Variants in USP10 observed in about 807,000 individuals in gnomAD.
The protein encoded by USP10 is ubiquitin specific peptidase 10.
USP10 carries 22 observed loss-of-function variants against 84.5 expected under a neutral mutation model. The ratio of observed to expected loss-of-function variants is 0.26; its 90% CI spans 0.19 to 0.37. The LOEUF is 0.37. Among genes scored for constraint, USP10 ranks in the 10% least tolerant of loss-of-function variants. The probability of loss-of-function intolerance (pLI) is 1.00; values close to 1 mark genes in which losing one functional copy is unlikely to be tolerated. For synonymous variants in USP10, 454 were observed against 387.6 expected (o/e 1.17, Z -2.01); for missense variants, 1,019 against 998.9 (o/e 1.02, Z -0.27).
intron 12 of USP10, 119 bp from the exon 13 acceptor site, chr16:84,775,041 T>C (rs1362659711): frequency 7.0e-6 from 6 of 853,236 alleles, no homozygotes; most frequent in Non-Finnish European, 1.2e-5. Context: ...AGAGTGTTGT[T>C]TTGTTCCTGG....
chr16:84,775,571 C>G (rs1029387016), intron 13 of USP10, among the ~76,000 whole-genome samples: 1 of 152,182 alleles, frequency 6.6e-6, no homozygotes, highest in African/African-American at 2.4e-5. Context: ...TGTGGAGTTT[C>G]CACGACACCT....
chr16:84,778,810 A>G (rs1915282802), intron 13 of USP10, 85 bp from the exon 14 acceptor site: 5 of 1,356,414 alleles, frequency 3.7e-6, no homozygotes, highest in South Asian at 1.4e-5. Context: ...CATAGGATGC[A>G]TCCCTGGAGG....
chr16:84,772,250 C>T (rs953363723), intron 11 of USP10, among the ~76,000 whole-genome samples: 4 of 152,112 alleles, frequency 2.6e-5, no homozygotes, highest in African/African-American at 9.7e-5. Flanking sequence ...GGGATTTCAC[C>T]ATGTTGGCCA....
intron 1 of USP10, among the ~76,000 whole-genome samples, chr16:84,717,442 A>T (rs1389166819): frequency 6.6e-6 from 1 of 152,126 alleles, no homozygotes; most frequent in Non-Finnish European, 1.5e-5. Flanking sequence ...CCCTGACCCC[A>T]GTTCTTTGAA....
intron 10 of USP10, among the ~76,000 whole-genome samples, chr16:84,764,921 G>A (rs1355925384): frequency 1.9e-5 from 1 of 53,290 alleles, no homozygotes; most frequent in Non-Finnish European, 3.1e-5. Flanking sequence ...CAATAACCAC[G>A]AGAGAGAGAG....
chr16:84,766,092 C>T (rs1316334409), intron 10 of USP10, among the ~76,000 whole-genome samples: 2 of 152,118 alleles, frequency 1.3e-5, no homozygotes, highest in African/African-American at 4.8e-5. Context: ...GAAAGAGCAC[C>T]CCTTTTGAGG....
intron 4 of USP10, among the ~76,000 whole-genome samples, chr16:84,748,664 A>C (rs1427587338): frequency 6.6e-6 from 1 of 152,214 alleles, no homozygotes; most frequent in Non-Finnish European, 1.5e-5. Flanking sequence ...CATCTTAGGG[A>C]GATTTTCTCT....
At chr16:84,720,796 A>T (rs899129755) in intron 1 of USP10, among the ~76,000 whole-genome samples, 1 of 148,662 alleles carries the variant, frequency 6.7e-6, no homozygotes, top group Admixed American at 6.7e-5. Flanking sequence ...ATTAGCGGGG[A>T]TGGTCTCGAT....
chr16:84,764,394 C>T, intron 10 of USP10, 131 bp downstream of exon 10: 1 of 1,250,786 alleles, frequency 8.0e-7, no homozygotes, highest in Non-Finnish European at 1.1e-6. Flanking sequence ...CCCCTGCCTG[C>T]TCTTCTCTTG....
chr16:84,767,626 G>C (rs983563532), intron 10 of USP10, among the ~76,000 whole-genome samples: 4 of 152,182 alleles, frequency 2.6e-5, no homozygotes, highest in African/African-American at 9.7e-5. Context: ...TTATGAACCG[G>C]TGCAGTAAAT....
chr16:84,728,495 A>G (rs138529272), intron 1 of USP10, among the ~76,000 whole-genome samples: 14 of 151,930 alleles, frequency 9.2e-5, no homozygotes, highest in Middle Eastern at 3.4e-3. Context: ...ATGTGCCACC[A>G]CGCCCGGCTA....
intron 2 of USP10, among the ~76,000 whole-genome samples, 176 bp downstream of exon 2, chr16:84,733,679 G>A (rs967175272): frequency 6.6e-6 from 1 of 152,074 alleles, no homozygotes; most frequent in Non-Finnish European, 1.5e-5. Context: ...TTGACATTTT[G>A]CTGTATTTAC....
chr16:84,714,884 A>G (rs1487756295), intron 1 of USP10, among the ~76,000 whole-genome samples: 1 of 151,096 alleles, frequency 6.6e-6, no homozygotes, highest in African/African-American at 2.4e-5. Flanking sequence ...TCTACATATG[A>G]AATGTTTGAA....
chr16:84,765,639 A>G (rs1913770512), intron 10 of USP10, among the ~76,000 whole-genome samples: 1 of 152,072 alleles, frequency 6.6e-6, no homozygotes, highest in Non-Finnish European at 1.5e-5. Flanking sequence ...CCTTGTCTAT[A>G]TATACACACC....
At chr16:84,773,817 G>C (rs1914697076) in intron 12 of USP10, among the ~76,000 whole-genome samples, 1 of 152,198 alleles carries the variant, frequency 6.6e-6, no homozygotes, top group African/African-American at 2.4e-5. Context: ...CTCGGCCTCT[G>C]CTCCTGCATC....
chr16:84,709,560 TCA>T lies in USP10; in HGVS notation c.21+9451_21+9452del, dbSNP rs369189256. 9.2e-5 allele frequency among the ~76,000 whole-genome samples: 14 copies of T among 152,182 alleles called. 1 individual carries two copies. The East Asian group carries it at 1.7e-3, about 19-fold the overall frequency. On this transcript the variant is annotated intron_variant, in intron 1 of 13. Coordinates refer to ENST00000219473, the MANE Select transcript of USP10 (RefSeq NM_005153.3). Reference sequence around the variant, plus strand: ...ATACTCTGCCCAGTGAAGAATAGACTCACGGGGTCGCAGTGGCCATAAGGAGA... The same window carrying T: ...ATACTCTGCCCAGTGAAGAATAGACTCGGGGTCGCAGTGGCCATAAGGAGA...
intron 3 of USP10, 51 bp from the exon 4 acceptor site, chr16:84,744,582 C>G: frequency 6.8e-7 from 1 of 1,480,044 alleles, no homozygotes; most frequent in Admixed American, 2.5e-5. Context: ...ATTACTGGTA[C>G]TTAGAGTTTG....
At chr16:84,730,543 GT>G (rs1481818328) in intron 1 of USP10, among the ~76,000 whole-genome samples, 2 of 152,146 alleles carry the variant, frequency 1.3e-5, no homozygotes, top group Non-Finnish European at 2.9e-5. Flanking sequence ...TCAGTGAACC[GT>G]TTCTGAGCGT....
At chr16:84,703,922 A>T (rs759177735) in intron 1 of USP10, among the ~76,000 whole-genome samples, 4 of 152,260 alleles carry the variant, frequency 2.6e-5, no homozygotes, top group Admixed American at 6.5e-5. Flanking sequence ...TCCTCACTAA[A>T]GCAAAAGTTA....
Sources: gnomAD v4.1 joint callset for allele counts (sites outside exome capture counted in the v4.1 genomes callset) on GRCh38, gnomAD v4.1.1 for gene constraint, MANE v1.5 for transcripts, NCBI Gene and HGNC (gene_info 2026-07-23, HGNC 2026-07-21) for gene names.